UBE2E1: variants seen among roughly 807,000 people sequenced by gnomAD.
UBE2E1 encodes the protein ubiquitin conjugating enzyme E2 E1.
UBE2E1 carries 6 observed loss-of-function variants against 21.4 expected under a neutral mutation model. That is an observed-to-expected ratio of 0.28 (90% CI 0.15 to 0.55). The LOEUF (loss-of-function observed/expected upper bound fraction) is 0.55, where lower values mean the gene tolerates loss of function less well. Ranked by LOEUF, UBE2E1 falls within the 20% of genes least tolerant of loss-of-function variation. The pLI, the probability that UBE2E1 is intolerant of heterozygous loss-of-function variation, is 0.93. For missense variants in UBE2E1, 142 were observed against 236.5 expected (o/e 0.60, Z 2.62); for synonymous variants, 87 against 82.7 (o/e 1.05, Z -0.28).
In UBE2E1 at chr3:23,880,787, G is replaced by A. The variant is rs112191249; in HGVS notation, c.204-6780G>A. On this transcript the variant is annotated intron_variant, in intron 3 of 5. Coordinates refer to ENST00000306627, the MANE Select transcript of UBE2E1 (RefSeq NM_003341.5). ...GAATGTTACTTTGTGGAGTTACCCT[G>A]GAAGATTTTAAGTCAGTCCAGGGAA... Among the ~76,000 whole-genome samples the A allele has an allele frequency of 1.6e-3, 251 of 152,288 alleles. 1 individual carries two copies. The highest frequency in any genetic ancestry group is 6.0e-3 in the African/African-American group (248 of 41,556).
chr3:23,838,762 G>T (rs1197661102), intron 3 of UBE2E1, among the ~76,000 whole-genome samples: 1 of 152,180 alleles, frequency 6.6e-6, no homozygotes, highest in African/African-American at 2.4e-5. Context: ...CTCCCAGAGT[G>T]CCGGGATTAC....
chr3:23,877,591 G>A (rs1018655666), intron 3 of UBE2E1, among the ~76,000 whole-genome samples: 5 of 152,168 alleles, frequency 3.3e-5, no homozygotes, highest in African/African-American at 1.2e-4. Flanking sequence ...ACGTCAGGGG[G>A]TGGGGTAGGA....
At chr3:23,879,405 T>G in intron 3 of UBE2E1, 1 of 511,376 alleles carries the variant, frequency 2.0e-6, no homozygotes. Flanking sequence ...GTTGTCTTGC[T>G]AGCACAGTAC....
chr3:23,811,542 A>T, intron 3 of UBE2E1, 32 bp downstream of exon 3: 3 of 1,602,416 alleles, frequency 1.9e-6, no homozygotes, highest in Non-Finnish European at 2.6e-6. Flanking sequence ...TTCCATTTTT[A>T]AAATTCTTCT....
chr3:23,848,615 A>G lies in UBE2E1; in HGVS notation c.203+37105A>G, dbSNP rs56004829. On this transcript the variant is annotated intron_variant, in intron 3 of 5. Coordinates refer to ENST00000306627, the MANE Select transcript of UBE2E1 (RefSeq NM_003341.5). ...TCACAATTTTAGAAAAAAAAATACAATATACTTAAATGCCCACATAATGTG... is the reference window on the plus strand; with the variant it reads ...TCACAATTTTAGAAAAAAAAATACAGTATACTTAAATGCCCACATAATGTG... Among the ~76,000 whole-genome samples the G allele has an allele frequency of 9.7e-3, 1,482 of 152,368 alleles. 17 individuals carry two copies. The highest frequency in any genetic ancestry group is 0.021 in the South Asian group (100 of 4,830).
intron 2 of UBE2E1, among the ~76,000 whole-genome samples, chr3:23,809,941 G>T (rs750782602): frequency 2.6e-5 from 4 of 152,186 alleles, no homozygotes; most frequent in Non-Finnish European, 4.4e-5. Context: ...CGTGTCAATT[G>T]AGATTGTGAA....
At position 23,806,167 on chromosome 3, in the gene UBE2E1, G is replaced by A. The variant is rs1179039827; in HGVS notation, c.-34+79G>A. 1.4e-5 allele frequency: 2 copies of A among 145,850 alleles called. No homozygotes were observed. The highest frequency in any genetic ancestry group is 2.5e-5 in the African/African-American group (1 of 40,432). The allele number at this position is 145,850 out of a possible 1,614,324, so 9.0% of individuals were successfully genotyped here. A position where few individuals can be genotyped will look rare whatever the true frequency, so the allele number is the denominator to read the frequency against. On this transcript the variant is annotated intron_variant, in intron 1 of 5. Coordinates refer to ENST00000306627, the MANE Select transcript of UBE2E1 (RefSeq NM_003341.5). The surrounding 1 kb of genome is among the most constrained non-coding windows in gnomAD (Gnocchi z 6.5). ...GGGGACACCCCTCGCCGCCTCCCCCGACTCGCGCCGCCGGGGCCGCCGGGC... is the reference window on the plus strand; with the variant it reads ...GGGGACACCCCTCGCCGCCTCCCCCAACTCGCGCCGCCGGGGCCGCCGGGC...
Position 23,830,425 on chromosome 3 carries a change from T to G in UBE2E1, c.203+18915T>G, listed in dbSNP as rs75336744. Among the ~76,000 whole-genome samples, 144 of 151,362 alleles carry G rather than the reference T, an allele frequency of 9.5e-4. 2 individuals carry two copies. The highest frequency in any genetic ancestry group is 8.7e-4 in the Non-Finnish European group (59 of 67,754). ...GTCGGGAGTGGGTTCATTTTTTTGT[T>G]TTTGTTTTTGTTTGTTTTTGGCAAG... is the stretch of plus-strand genomic sequence containing the variant. On this transcript the variant is annotated intron_variant, in intron 3 of 5. Coordinates refer to ENST00000306627, the MANE Select transcript of UBE2E1 (RefSeq NM_003341.5).
At chr3:23,882,420 G>A (rs1032015827) in intron 3 of UBE2E1, among the ~76,000 whole-genome samples, 2 of 152,218 alleles carry the variant, frequency 1.3e-5, no homozygotes, top group African/African-American at 2.4e-5. Flanking sequence ...CCAGCTAGAC[G>A]TAAAAGTTCT....
intron 3 of UBE2E1, among the ~76,000 whole-genome samples, chr3:23,864,835 G>C (rs1311754935): frequency 6.6e-6 from 1 of 152,234 alleles, no homozygotes. Flanking sequence ...GAGGGCGAAG[G>C]CCGGCCTGTG....
chr3:23,817,363 A>G (rs867275269), intron 3 of UBE2E1, among the ~76,000 whole-genome samples: 1 of 148,954 alleles, frequency 6.7e-6, no homozygotes, highest in African/African-American at 2.5e-5. Flanking sequence ...CAGAGGTTGC[A>G]GTGAGCCAAG....
At chr3:23,844,654 A>G (rs1014396074) in intron 3 of UBE2E1, among the ~76,000 whole-genome samples, 2 of 152,184 alleles carry the variant, frequency 1.3e-5, no homozygotes, top group Non-Finnish European at 2.9e-5. Context: ...CTCCATGCCC[A>G]CCAGTAGCAG....
At position 23,891,427 on chromosome 3, in the gene UBE2E1, G is replaced by A. The variant is rs1233924799; in HGVS notation, c.*821G>A. 1 of 152,134 alleles carries A rather than the reference G, an allele frequency of 6.6e-6. No individual in the cohort carries two copies. Among genetic ancestry groups the A allele is most frequent in the Non-Finnish European group, 1.5e-5 (1 of 68,020 alleles). 9.4% of individuals were successfully genotyped at this position (152,134 alleles called of 1,614,324 possible). A position where few individuals can be genotyped will look rare whatever the true frequency, so the allele number is the denominator to read the frequency against. ...AGCTAAAAATAATGCATATTTAGTAGGTATTAGTTAGTTACCTATATTAGG... is the reference window on the plus strand; with the variant it reads ...AGCTAAAAATAATGCATATTTAGTAAGTATTAGTTAGTTACCTATATTAGG... On this transcript the variant is annotated 3_prime_UTR_variant, in exon 6 of 6. Transcript: ENST00000306627.
chr3:23,856,554 C>T (rs1005041065), intron 3 of UBE2E1, among the ~76,000 whole-genome samples: 2 of 152,166 alleles, frequency 1.3e-5, no homozygotes, highest in East Asian at 1.9e-4. Context: ...AGATTTGTAT[C>T]GGATTGTGAC....
chr3:23,873,658 A>G (rs1447323801), intron 3 of UBE2E1, among the ~76,000 whole-genome samples: 1 of 152,184 alleles, frequency 6.6e-6, no homozygotes, highest in African/African-American at 2.4e-5. Flanking sequence ...AGGCAGGAGA[A>G]TCACTTGAAC....
Position 23,887,263 on chromosome 3 carries a change from C to T in UBE2E1, c.204-304C>T, listed in dbSNP as rs893965927. On this transcript the variant is annotated intron_variant, in intron 3 of 5. Coordinates refer to ENST00000306627, the MANE Select transcript of UBE2E1 (RefSeq NM_003341.5). This position sits in a 1 kb window ranked among gnomAD's most constrained non-coding sequence, Gnocchi z 4.4. Reference sequence around the variant, plus strand: ...CTTCTAGGTGCTGAGATGTGTTTCCCATTTTAAGTATTGTTTACACTTTCC... The same window carrying T: ...CTTCTAGGTGCTGAGATGTGTTTCCTATTTTAAGTATTGTTTACACTTTCC... 6.6e-6 allele frequency among the ~76,000 whole-genome samples: 1 copy of T among 152,174 alleles called. No individual in the cohort carries two copies. The highest frequency in any genetic ancestry group is 2.4e-5 in the African/African-American group (1 of 41,448).
chr3:23,841,511 G>A (rs1700086725), intron 3 of UBE2E1, among the ~76,000 whole-genome samples: 3 of 152,156 alleles, frequency 2.0e-5, no homozygotes. Context: ...GTGTTGATTA[G>A]AGTTGGACTT....
At chr3:23,809,980 G>A (rs914763610) in intron 2 of UBE2E1, among the ~76,000 whole-genome samples, 4 of 152,288 alleles carry the variant, frequency 2.6e-5, no homozygotes, top group South Asian at 2.1e-4. Flanking sequence ...TGACAGATAC[G>A]TAGGGACAGG....
At chr3:23,869,776 A>G (rs1471781809) in intron 3 of UBE2E1, among the ~76,000 whole-genome samples, 1 of 148,218 alleles carries the variant, frequency 6.7e-6, no homozygotes, top group African/African-American at 2.5e-5. Flanking sequence ...GCCAAACCCC[A>G]CAGGGAAAAT....
Sources: allele counts gnomAD v4.1 joint callset (sites outside exome capture counted in the v4.1 genomes callset), GRCh38; gene constraint gnomAD v4.1.1; non-coding constraint Gnocchi (gnomAD v3.1); transcripts MANE v1.5; gene names NCBI Gene and HGNC (gene_info 2026-07-23, HGNC 2026-07-21).